The following PRR12 variants were observed in gnomAD, a reference collection of about 807,000 sequenced individuals.
PRR12 encodes proline rich 12.
PRR12 carries 12 observed loss-of-function variants against 138.0 expected under a neutral mutation model. The observed-to-expected ratio is 0.09, with a 90% CI of 0.06 to 0.14. The LOEUF is 0.14. PRR12 is among the 10% of genes least tolerant of loss of function. The probability of loss-of-function intolerance (pLI) is 1.00; values close to 1 mark genes in which losing one functional copy is unlikely to be tolerated. For synonymous variants in PRR12, 1,567 were observed against 1,291.7 expected (o/e 1.21, Z -4.57); for missense variants, 2,692 against 2,861.3 (o/e 0.94, Z 1.35).
chr19:49,613,598 C>G (rs1231980563), intron 6 of PRR12, among the ~76,000 whole-genome samples: 3 of 152,126 alleles, frequency 2.0e-5, no homozygotes, highest in African/African-American at 7.2e-5. Context: ...AGATAGGGAG[C>G]CTTCCTGTTG....
Position 49,601,631 on chromosome 19 carries a change from C to G in PRR12, c.4486C>G (p.Pro1496Ala). 1.3e-6 allele frequency: 2 copies of G among 1,538,378 alleles called. No homozygotes were observed. Among genetic ancestry groups the G allele is most frequent in the Non-Finnish European group, 8.7e-7 (1 of 1,144,658 alleles). Residue 1496 changes from proline to alanine, a missense_variant, in exon 6 of 14, where the codon CCA becomes GCA. Physicochemically the swap from Pro to Ala is conservative, Grantham distance 27. Transcript: ENST00000418929. ...PPLVAPTPSS[P>A]PPPPLPPPPP... ...GCTGGTGGCCCCCACGCCCAGCTCA[C>G]CACCGCCACCGCCGCTGCCGCCGCC...
At chr19:49,611,059 C>T (rs957822036) in intron 6 of PRR12, among the ~76,000 whole-genome samples, 3 of 151,376 alleles carry the variant, frequency 2.0e-5, no homozygotes, top group Admixed American at 6.6e-5. Context: ...CCAAGCTGGT[C>T]TTGAACTACT....
Position 49,614,826 on chromosome 19 carries a change from C to A in PRR12, c.4891-50C>A. 1 of 1,612,664 alleles carries A rather than the reference C, an allele frequency of 6.2e-7. No homozygotes were observed. Among genetic ancestry groups the A allele is most frequent in the South Asian group, 1.1e-5 (1 of 91,026 alleles). On this transcript the variant is annotated intron_variant, in intron 7 of 13. Coordinates refer to ENST00000418929, the MANE Select transcript of PRR12 (RefSeq NM_020719.3). This position sits in a 1 kb window ranked among gnomAD's most constrained non-coding sequence, Gnocchi z 5.0. ...CCCAGGGCACGGGGGTGTTGGCCAT[C>A]TGGCTGGGCAGTGTGAAGAATTTCC...
chr19:49,593,392 C>T lies in PRR12; in HGVS notation c.152C>T (p.Ala51Val), dbSNP rs750644400. 1.9e-6 allele frequency: 3 copies of T among 1,611,622 alleles called. No homozygotes were observed. The highest frequency in any genetic ancestry group is 2.2e-5 in the South Asian group (2 of 90,978). ...GACATCTTACACCGCCAGGCCTATG[C>T]GGCCCCCCACCCACTGCAAAGCTAT... ...ETDILHRQAYAAPHPLQSYAT... is the reference protein window; with the variant it reads ...ETDILHRQAYVAPHPLQSYAT... Residue 51 changes from alanine (A) to valine (V), a missense_variant, in exon 2 of 14, where the codon GCG (alanine) becomes GTG (valine). Transcript: ENST00000418929.
Position 49,596,233 on chromosome 19 carries a change from C to T in PRR12, c.1898C>T (p.Ala633Val), listed in dbSNP as rs370670468. ...CTGGCGGGCCCAGGTGGGCCTCCTG[C>T]GGAGCGCACAGAGGATGAGGAGTTC... is the stretch of plus-strand genomic sequence containing the variant. ...ELLAGPGGPPAERTEDEEFLI... is the reference protein window; with the variant it reads ...ELLAGPGGPPVERTEDEEFLI... Residue 633 changes from alanine (A) to valine (V), a missense_variant, in exon 4 of 14, where the codon GCG (alanine) becomes GTG (valine). Physicochemically the swap from Ala to Val is moderately conservative, Grantham distance 64. Around this residue, in one of 11 missense-constraint regions of PRR12, gnomAD observed 840 missense variants for 689.8 expected, o/e 1.22. Coordinates refer to ENST00000418929, the MANE Select transcript of PRR12 (RefSeq NM_020719.3). The surrounding 1 kb of genome is among the most constrained non-coding windows in gnomAD (Gnocchi z 5.6). The T allele has an allele frequency of 3.9e-5, 63 of 1,610,770 alleles. No individual in the cohort carries two copies. The highest frequency in any genetic ancestry group is 3.3e-4 in the Middle Eastern group (2 of 6,032).
chr19:49,591,840 C>T, intron 1 of PRR12, 100 bp downstream of exon 1: 2 of 630,522 alleles, frequency 3.2e-6, no homozygotes, highest in Non-Finnish European at 4.8e-6. Flanking sequence ...GCGTGCATCG[C>T]AAACTCCCCT....
Position 49,596,760 on chromosome 19 carries a change from G to A in PRR12, c.2425G>A (p.Ala809Thr), listed in dbSNP as rs2080772747. 6.2e-7 allele frequency: 1 copy of A among 1,603,114 alleles called. No homozygotes were observed. The highest frequency in any genetic ancestry group is 1.1e-5 in the South Asian group (1 of 90,912). ...PQLLPSVLSH[A>T]PSPSPSASKV... ...GCTGCTCCCCTCGGTCCTCAGCCAT[G>A]CCCCCAGTCCCTCTCCCAGCGCCTC... The change falls in exon 4 of 14, where the codon GCC (alanine) becomes ACC (threonine). Residue 809 changes from alanine to threonine, a missense_variant. Coordinates refer to ENST00000418929, the MANE Select transcript of PRR12 (RefSeq NM_020719.3). The surrounding 1 kb of genome is among the most constrained non-coding windows in gnomAD (Gnocchi z 5.6).
rs2080776726 is a variant in PRR12 at position 49,597,076 on chromosome 19, G to A, written c.2741G>A (p.Arg914His). 3 of 1,552,558 alleles carry A rather than the reference G, an allele frequency of 1.9e-6. No homozygotes were observed. Among genetic ancestry groups the A allele is most frequent in the Non-Finnish European group, 1.7e-6 (2 of 1,148,568 alleles). ...GGCAAGGATCCCGCAGGCGCCTACC[G>A]CAGCCCCAGCCCGCAAGGCACCAAG... is the stretch of plus-strand genomic sequence containing the variant. ...SEGKDPAGAY[R>H]SPSPQGTKAP... The change falls in exon 4 of 14, where the codon CGC becomes CAC. Residue 914 changes from arginine to histidine, a missense_variant. Transcript: ENST00000418929. This position sits in a 1 kb window ranked among gnomAD's most constrained non-coding sequence, Gnocchi z 6.3.
intron 6 of PRR12, among the ~76,000 whole-genome samples, chr19:49,609,533 G>A (rs778985294): frequency 1.3e-5 from 2 of 151,412 alleles, no homozygotes; most frequent in Non-Finnish European, 1.5e-5. Flanking sequence ...TTCAGGAGGC[G>A]GAGGTTTCAG....
At chr19:49,623,587 G>A (rs1357734859) in intron 11 of PRR12, among the ~76,000 whole-genome samples, 1 of 151,584 alleles carries the variant, frequency 6.6e-6, no homozygotes, top group African/African-American at 2.4e-5. Context: ...AGCCAAGGTC[G>A]CGCCACTGCA....
rs2080880684 is a variant in PRR12, at chr19:49,614,310, C to T, written c.4774-223C>T. On this transcript the variant is annotated intron_variant, in intron 6 of 13. Transcript: ENST00000418929. This position sits in a 1 kb window ranked among gnomAD's most constrained non-coding sequence, Gnocchi z 5.0. The stretch of plus-strand genomic sequence containing the variant: ...TGACTCAAACTCTACAGCCTGAGAA[C>T]GAGCAGCCCAATCCAGGGTACTGGG... Among the ~76,000 whole-genome samples the T allele has an allele frequency of 6.6e-6, 1 of 152,140 alleles. No homozygotes were observed. The highest frequency in any genetic ancestry group is 1.5e-5 in the Non-Finnish European group (1 of 68,030).
chr19:49,611,297 C>G (rs1000317524), intron 6 of PRR12, among the ~76,000 whole-genome samples: 4 of 151,850 alleles, frequency 2.6e-5, no homozygotes, highest in African/African-American at 9.7e-5. Flanking sequence ...TGCCACTGCA[C>G]TCCAGCCTGG....
intron 6 of PRR12, among the ~76,000 whole-genome samples, chr19:49,611,213 C>G (rs2122344235): frequency 6.6e-6 from 1 of 152,182 alleles, no homozygotes; most frequent in East Asian, 1.9e-4. Context: ...GTCCCAGCTA[C>G]TTGGTGGGTA....
rs1158766307 is a variant in PRR12, at chr19:49,625,043, G to A, written c.5868+53G>A. The A allele has an allele frequency of 5.6e-6, 9 of 1,612,008 alleles. No individual in the cohort carries two copies. In the African/African-American group the frequency reaches 8.0e-5, roughly 14 times the overall value. Reference sequence around the variant, plus strand: ...GGGGAGTGCTGGCGGTATGTGGGAAGGGAGGAGAGGGGCTGCCAAGTGCCG... The same window carrying A: ...GGGGAGTGCTGGCGGTATGTGGGAAAGGAGGAGAGGGGCTGCCAAGTGCCG... On this transcript the variant is annotated intron_variant, in intron 12 of 13. Coordinates refer to ENST00000418929, the MANE Select transcript of PRR12 (RefSeq NM_020719.3). This position sits in a 1 kb window ranked among gnomAD's most constrained non-coding sequence, Gnocchi z 5.5.
chr19:49,605,062 G>A (rs908724880), intron 6 of PRR12, among the ~76,000 whole-genome samples: 1 of 152,022 alleles, frequency 6.6e-6, no homozygotes, highest in African/African-American at 2.4e-5. Flanking sequence ...TGTTGGCCAG[G>A]CTGGTCTCAA....
At chr19:49,613,062 C>A (rs754778873) in intron 6 of PRR12, among the ~76,000 whole-genome samples, 24 of 151,412 alleles carry the variant, frequency 1.6e-4, no homozygotes, top group Admixed American at 5.3e-4. Context: ...TGAGGACAAG[C>A]GCGGTGGCTC....
At chr19:49,601,344 G>A (rs977808905) in intron 5 of PRR12, 147 bp from the exon 6 acceptor site, 3 of 605,532 alleles carry the variant, frequency 5.0e-6, no homozygotes, top group Non-Finnish European at 8.9e-6. Flanking sequence ...GGTCTCTGGA[G>A]AGACTCTGAT....
In PRR12 at chr19:49,615,988, G is replaced by C. The variant is rs1165575477; in HGVS notation, c.5266G>C (p.Gly1756Arg). 1.3e-6 allele frequency: 2 copies of C among 1,552,786 alleles called. No homozygotes were observed. The highest frequency in any genetic ancestry group is 1.2e-5 in the South Asian group (1 of 84,184). ...GACACGTGGAGAGCGGCCATTGCGG[G>C]GTGAGCGGGCCACCAGCGGACGGCA... The part of the protein sequence containing the change: ...KVTRGERPLR[G>R]ERATSGRQTR... Residue 1756 changes from glycine (G) to arginine (R), a missense_variant, in exon 9 of 14, where the codon GGT becomes CGT. Transcript: ENST00000418929.
intron 5 of PRR12, among the ~76,000 whole-genome samples, chr19:49,600,438 A>C (rs1450025556): frequency 6.6e-6 from 1 of 151,092 alleles, no homozygotes; most frequent in Non-Finnish European, 1.5e-5. Flanking sequence ...GCATTGGGAA[A>C]TGAGAGGTGG....
Sources: gnomAD v4.1 joint callset for allele counts (sites outside exome capture counted in the v4.1 genomes callset) on GRCh38, gnomAD v4.1.1 for gene constraint, gnomAD v4.1.1 regional missense constraint, Gnocchi (gnomAD v3.1) non-coding constraint, MANE v1.5 for transcripts, NCBI Gene and HGNC (gene_info 2026-07-23, HGNC 2026-07-21) for gene names.